PCDHA8: variants seen among roughly 807,000 people sequenced by gnomAD.
PCDHA8 encodes the protein protocadherin alpha 8, also known as protocadherin alpha-8.
A neutral mutation model predicts 61.8 loss-of-function variants in PCDHA8; 53 were observed. The observed-to-expected ratio is 0.86, with a 90% CI of 0.69 to 1.08. The LOEUF (loss-of-function observed/expected upper bound fraction) is 1.08, where lower values mean the gene tolerates loss of function less well. Among genes scored for constraint, PCDHA8 ranks in the 50% least tolerant of loss-of-function variants. PCDHA8 has a pLI of 0.00. For synonymous variants in PCDHA8, 618 were observed against 556.6 expected, an observed-to-expected ratio of 1.11 and a Z score of -1.55; for missense variants, 1,293 against 1,245.0, an observed-to-expected ratio of 1.04 and a Z score of -0.58.
At chr5:140,928,434 CTT>C (rs1554205890) in intron 1 of PCDHA8, 1 of 1,614,172 alleles carries the variant, frequency 6.2e-7, no homozygotes, top group South Asian at 1.1e-5. Flanking sequence ...CTTCCTTTGA[CTT>C]TGAGCAGCTC....
chr5:140,861,496 T>C (rs2153222110), intron 1 of PCDHA8: 1 of 486,240 alleles, frequency 2.1e-6, no homozygotes, highest in Non-Finnish European at 4.2e-6. Context: ...AGTTCTCTGA[T>C]AGACCTCGAG....
intron 1 of PCDHA8, chr5:140,927,149 T>C: frequency 1.2e-6 from 2 of 1,614,168 alleles, no homozygotes; most frequent in Non-Finnish European, 1.7e-6. Context: ...CGCGAACAGC[T>C]GTGCAGGGCC....
intron 1 of PCDHA8, chr5:140,966,987 C>T (rs782372991): frequency 6.2e-7 from 1 of 1,604,132 alleles, no homozygotes; most frequent in South Asian, 1.1e-5. Context: ...CGCTTGGGGC[C>T]GGGTTGCTTG....
At chr5:140,962,295 A>G (rs1215334325) in intron 1 of PCDHA8, among the ~76,000 whole-genome samples, 2 of 152,196 alleles carry the variant, frequency 1.3e-5, no homozygotes, top group African/African-American at 4.8e-5. Flanking sequence ...TTAATATTCT[A>G]TGATTCTTGT....
intron 1 of PCDHA8, among the ~76,000 whole-genome samples, chr5:140,891,171 A>T (rs1221936185): frequency 1.3e-5 from 2 of 151,478 alleles, no homozygotes; most frequent in African/African-American, 4.9e-5. Flanking sequence ...TGCTTTTCAG[A>T]TTTTCTGTGT....
Position 140,842,005 on chromosome 5 carries a change from G to T in PCDHA8, c.684G>T (p.Leu228=). 6.2e-7 allele frequency: 1 copy of T among 1,613,756 alleles called. No individual in the cohort carries two copies. Among genetic ancestry groups the T allele is most frequent in the Admixed American group, 1.7e-5 (1 of 60,008 alleles). ...CTGAGCTCACAGGCACTGTTCAGCT[G>T]CTGGTCACAGTGCTGGATGTGAATG... ...GKPELTGTVQ[L]LVTVLDVNDN... Residue 228 remains leucine (L), a synonymous_variant, in exon 1 of 4, where the codon CTG becomes CTT. Coordinates refer to ENST00000531613, the MANE Select transcript of PCDHA8 (RefSeq NM_018911.3).
At chr5:140,888,315 C>A (rs2061784289) in intron 1 of PCDHA8, among the ~76,000 whole-genome samples, 1 of 152,084 alleles carries the variant, frequency 6.6e-6, no homozygotes, top group Non-Finnish European at 1.5e-5. Flanking sequence ...TTGGCAATGC[C>A]TGGATACATT....
At position 140,882,067 on chromosome 5, in the gene PCDHA8, G is replaced by A. The variant is rs1031145324; in HGVS notation, c.2394+38352G>A. 7.1e-6 allele frequency: 6 copies of A among 848,700 alleles called. No individual in the cohort carries two copies. The East Asian group carries it at 8.0e-5, about 11-fold the overall frequency. 52.6% of individuals were successfully genotyped at this position (848,700 alleles called of 1,614,324 possible). A position where few individuals can be genotyped will look rare whatever the true frequency, so the allele number is the denominator to read the frequency against. ...GTCATACTTACACTTACACGTTCATGCGCATGGTGTCGCTCTTCACTGAGA... is the reference window on the plus strand; with the variant it reads ...GTCATACTTACACTTACACGTTCATACGCATGGTGTCGCTCTTCACTGAGA... On this transcript the variant is annotated intron_variant, in intron 1 of 3. Transcript: ENST00000531613.
intron 1 of PCDHA8, chr5:140,871,160 C>G (rs1554165222): frequency 1.2e-6 from 2 of 1,613,470 alleles, no homozygotes; most frequent in South Asian, 1.1e-5. Flanking sequence ...GCGGGCGCCG[C>G]GAGCCCAGAG....
chr5:140,928,081 C>T (rs782268064), intron 1 of PCDHA8: 1 of 1,614,090 alleles, frequency 6.2e-7, no homozygotes, highest in Non-Finnish European at 8.5e-7. Context: ...CTACTACAGC[C>T]TGCTGATTGA....
intron 1 of PCDHA8, among the ~76,000 whole-genome samples, chr5:140,937,638 C>A (rs1563161991): frequency 6.7e-6 from 1 of 150,048 alleles, no homozygotes; most frequent in East Asian, 2.1e-4. Flanking sequence ...AAAGGCAGGG[C>A]ATGGTGGCTC....
intron 1 of PCDHA8, chr5:140,927,446 TG>T: frequency 2.1e-5 from 34 of 1,614,128 alleles, no homozygotes; most frequent in Non-Finnish European, 2.5e-5. Flanking sequence ...TACCCGGAGT[TG>T]GTGTTGGAGA....
At chr5:140,935,894 CTT>C (rs55841305) in intron 1 of PCDHA8, among the ~76,000 whole-genome samples, 8 of 136,706 alleles carry the variant, frequency 5.9e-5, no homozygotes, top group Non-Finnish European at 3.1e-5. Context: ...TCAATATTAT[CTT>C]TTTTTTTTTT....
chr5:140,841,301 G>A lies in PCDHA8; in HGVS notation c.-21G>A, dbSNP rs2150312964. 3 of 1,536,446 alleles carry A rather than the reference G, an allele frequency of 2.0e-6. No homozygotes were observed. Among genetic ancestry groups the A allele is most frequent in the Admixed American group, 3.9e-5 (2 of 50,878 alleles). ...TCTTTATATTAAGATAATATTTTCT[G>A]ATAGGAAACGACTATTTAACATGGA... On this transcript the variant is annotated 5_prime_UTR_variant, in exon 1 of 4. Coordinates refer to ENST00000531613, the MANE Select transcript of PCDHA8 (RefSeq NM_018911.3).
intron 1 of PCDHA8, chr5:140,966,660 A>G: frequency 8.2e-7 from 1 of 1,217,300 alleles, no homozygotes; most frequent in Non-Finnish European, 1.1e-6. Context: ...GCGGTGGGGG[A>G]GCAGGCGCAG....
chr5:140,887,387 C>T (rs959255749), intron 1 of PCDHA8, among the ~76,000 whole-genome samples: 8 of 152,106 alleles, frequency 5.3e-5, no homozygotes, highest in Non-Finnish European at 1.5e-5. Context: ...TGAGCCACCG[C>T]GCCCGGCTCT....
At chr5:140,977,448 CTCCTT>C (rs1554238572) in intron 1 of PCDHA8, among the ~76,000 whole-genome samples, 2 of 152,212 alleles carry the variant, frequency 1.3e-5, no homozygotes, top group Non-Finnish European at 2.9e-5. Context: ...ATAATGGAAA[CTCCTT>C]TGATTTGGTC....
At chr5:140,968,228 C>T in intron 1 of PCDHA8, 1 of 1,614,010 alleles carries the variant, frequency 6.2e-7, no homozygotes, top group East Asian at 2.2e-5. Flanking sequence ...AGGTGTGTTG[C>T]TCTGTACTGT....
At chr5:140,979,052 G>T (rs2096833352) in intron 2 of PCDHA8, 45 bp downstream of exon 2, 1 of 1,609,668 alleles carries the variant, frequency 6.2e-7, no homozygotes, top group Non-Finnish European at 8.5e-7. Context: ...CCTTAACTTG[G>T]TATGGCTCAG....
Sources: gnomAD v4.1 joint callset for allele counts (sites outside exome capture counted in the v4.1 genomes callset) on GRCh38, gnomAD v4.1.1 for gene constraint, MANE v1.5 for transcripts, NCBI Gene and HGNC (gene_info 2026-07-23, HGNC 2026-07-21) for gene names.